Variants in SMARCC1 observed in about 807,000 individuals in gnomAD.
SMARCC1 encodes SWI/SNF complex subunit SMARCC1.
Under a neutral mutation model 147.4 loss-of-function variants are expected in SMARCC1, and 43 were observed. That is an observed-to-expected ratio of 0.29 (90% CI 0.23 to 0.38). SMARCC1 has a LOEUF of 0.38. Among genes scored for constraint, SMARCC1 ranks in the 10% least tolerant of loss-of-function variants. The pLI, the probability that SMARCC1 is intolerant of heterozygous loss-of-function variation, is 1.00. For synonymous variants in SMARCC1, 495 were observed against 484.4 expected, an observed-to-expected ratio of 1.02 and a Z score of -0.29; for missense variants, 1,119 against 1,381.1, an observed-to-expected ratio of 0.81 and a Z score of 3.01.
chr3:47,676,914 A>G, intron 16 of SMARCC1, 132 bp from the exon 17 acceptor site: 2 of 720,494 alleles, frequency 2.8e-6, no homozygotes, highest in Non-Finnish European at 4.6e-6. Flanking sequence ...AAACATCACA[A>G]ACTACTTGAC....
At chr3:47,612,132 T>C (rs1559625374) in intron 25 of SMARCC1, among the ~76,000 whole-genome samples, 1 of 152,126 alleles carries the variant, frequency 6.6e-6, no homozygotes, top group Non-Finnish European at 1.5e-5. Flanking sequence ...GGAGATGTAA[T>C]ATGTAAACAG....
intron 1 of SMARCC1, among the ~76,000 whole-genome samples, chr3:47,776,320 G>A (rs545625189): frequency 1.8e-4 from 28 of 152,124 alleles, no homozygotes; most frequent in Admixed American, 1.5e-3. Context: ...AATAATGACC[G>A]GCTGTGCACG....
intron 21 of SMARCC1, among the ~76,000 whole-genome samples, chr3:47,643,261 C>G (rs1044236346): frequency 1.3e-5 from 2 of 152,094 alleles, no homozygotes; most frequent in Non-Finnish European, 2.9e-5. Flanking sequence ...CTTGGCGTGT[C>G]GGCTGGTCGA....
intron 2 of SMARCC1, among the ~76,000 whole-genome samples, chr3:47,767,377 A>T (rs2034852851): frequency 2.1e-5 from 3 of 145,968 alleles, no homozygotes; most frequent in Admixed American, 1.4e-4. Context: ...AGTAGCTGGG[A>T]TTACAGGCAT....
intron 25 of SMARCC1, among the ~76,000 whole-genome samples, chr3:47,614,664 A>C (rs1478758520): frequency 6.6e-6 from 1 of 152,122 alleles, no homozygotes; most frequent in Non-Finnish European, 1.5e-5. Flanking sequence ...CCCTGGTCCA[A>C]GCCACCATAT....
At chr3:47,630,930 ACACATG>A (rs2032880037) in intron 24 of SMARCC1, among the ~76,000 whole-genome samples, 1 of 152,040 alleles carries the variant, frequency 6.6e-6, no homozygotes, top group Non-Finnish European at 1.5e-5. Context: ...GAGTGTGGTG[ACACATG>A]TCTGTGGAAC....
At chr3:47,643,041 G>C (rs1003046002) in intron 21 of SMARCC1, among the ~76,000 whole-genome samples, 2 of 152,148 alleles carry the variant, frequency 1.3e-5, no homozygotes, top group African/African-American at 4.8e-5. Context: ...GCGAGACCCT[G>C]TCTGAAAGCA....
chr3:47,588,537 C>T (rs951558220), intron 27 of SMARCC1, among the ~76,000 whole-genome samples: 1 of 152,062 alleles, frequency 6.6e-6, no homozygotes, highest in African/African-American at 2.4e-5. Context: ...TGGGAGGTGT[C>T]TGAATTTCCC....
At chr3:47,609,852 A>G (rs1461973671) in intron 26 of SMARCC1, among the ~76,000 whole-genome samples, 1 of 152,194 alleles carries the variant, frequency 6.6e-6, no homozygotes, top group Non-Finnish European at 1.5e-5. Flanking sequence ...AGGCTGACCT[A>G]CTCAACAAAA....
At chr3:47,723,390 T>C (rs1208453180) in intron 6 of SMARCC1, among the ~76,000 whole-genome samples, 1 of 131,400 alleles carries the variant, frequency 7.6e-6, no homozygotes, top group African/African-American at 2.8e-5. Flanking sequence ...AGACAGAGTC[T>C]CACTCTGTTG....
intron 18 of SMARCC1, 83 bp downstream of exon 18, chr3:47,675,392 A>T: frequency 1.5e-6 from 1 of 649,088 alleles, no homozygotes; most frequent in Non-Finnish European, 2.8e-6. Context: ...ATACCATCAG[A>T]TTTGAGTAGA....
Position 47,585,667 on chromosome 3 carries a change from G to T in SMARCC1, c.*2542C>A, listed in dbSNP as rs1336280613. On this transcript the variant is annotated 3_prime_UTR_variant, in exon 28 of 28. Coordinates refer to ENST00000254480, the MANE Select transcript of SMARCC1 (RefSeq NM_003074.4). ...TGCCAGGATGTTGGCCATCATTTTT[G>T]GAGAACTTCCACTCATTTTCACTTT... is the stretch of plus-strand genomic sequence containing the variant. The T allele has an allele frequency of 6.6e-6, 1 of 152,172 alleles. No individual in the cohort carries two copies. Among genetic ancestry groups the T allele is most frequent in the Non-Finnish European group, 1.5e-5 (1 of 68,042 alleles). 9.4% of individuals were successfully genotyped at this position (152,172 alleles called of 1,614,324 possible).
At chr3:47,719,263 T>C (rs188866931) in intron 7 of SMARCC1, among the ~76,000 whole-genome samples, 1 of 152,292 alleles carries the variant, frequency 6.6e-6, no homozygotes, top group East Asian at 1.9e-4. Context: ...TCGTTATTCA[T>C]ACTGTAGATA....
At chr3:47,763,084 A>G (rs563674967) in intron 2 of SMARCC1, among the ~76,000 whole-genome samples, 57 of 152,048 alleles carry the variant, frequency 3.7e-4, no homozygotes, top group African/African-American at 1.3e-3. Context: ...AAAAAAGAGA[A>G]AACGTTGAAT....
chr3:47,673,075 G>C (rs1425492508), intron 18 of SMARCC1, among the ~76,000 whole-genome samples: 3 of 151,910 alleles, frequency 2.0e-5, no homozygotes, highest in Non-Finnish European at 4.4e-5. Context: ...GCTTTCATAT[G>C]ATTTTAAAAT....
At chr3:47,735,911 T>G in intron 5 of SMARCC1, 123 bp downstream of exon 5, 1 of 468,418 alleles carries the variant, frequency 2.1e-6, no homozygotes, top group Non-Finnish European at 3.7e-6. Flanking sequence ...AGAAAAAAAT[T>G]TCTTTTGATG....
chr3:47,687,139 T>C (rs1398487553), intron 13 of SMARCC1, among the ~76,000 whole-genome samples: 1 of 152,186 alleles, frequency 6.6e-6, no homozygotes, highest in East Asian at 1.9e-4. Flanking sequence ...ACAGTTTCTA[T>C]AAGAATAGTA....
chr3:47,695,481 T>A (rs1298994325), intron 11 of SMARCC1, among the ~76,000 whole-genome samples: 1 of 152,108 alleles, frequency 6.6e-6, no homozygotes, highest in Non-Finnish European at 1.5e-5. Flanking sequence ...AAAGTTACTT[T>A]GTCATCCGGG....
Position 47,636,549 on chromosome 3 carries a change from G to A in SMARCC1, c.2377-413C>T, listed in dbSNP as rs978966713. Among the ~76,000 whole-genome samples the A allele has an allele frequency of 2.0e-5, 3 of 152,298 alleles. No homozygotes were observed. The South Asian group carries it at 6.2e-4, about 32-fold the overall frequency. On this transcript the variant is annotated intron_variant, in intron 22 of 27. Transcript: ENST00000254480. ...AGATCACCTGAAGTCAGCAGTTTGA[G>A]ATCAGCTGGCCAACACAGTGAAATC... is the stretch of plus-strand genomic sequence containing the variant.
Sources: allele counts gnomAD v4.1 joint callset (sites outside exome capture counted in the v4.1 genomes callset), GRCh38; gene constraint gnomAD v4.1.1; transcripts MANE v1.5; gene names NCBI Gene and HGNC (gene_info 2026-07-23, HGNC 2026-07-21).